The following BTRC variants were observed in gnomAD, a reference collection of about 807,000 sequenced individuals.
BTRC encodes beta-transducin repeat containing E3 ubiquitin protein ligase, also known as F-box/WD repeat-containing protein 1A.
In BTRC, 42 loss-of-function variants were observed where a neutral mutation model predicts 85.5. The observed-to-expected ratio is 0.49, with a 90% CI of 0.38 to 0.64. The LOEUF is 0.64. Among genes scored for constraint, BTRC ranks in the 30% least tolerant of loss-of-function variants. The pLI is 0.00. For missense variants in BTRC, 594 were observed against 743.5 expected, an observed-to-expected ratio of 0.80 and a Z score of 2.34; for synonymous variants, 255 against 263.3, an observed-to-expected ratio of 0.97 and a Z score of 0.30.
At chr10:101,471,572 G>A (rs61874013) in intron 3 of BTRC, among the ~76,000 whole-genome samples, 6 of 152,112 alleles carry the variant, frequency 3.9e-5, no homozygotes, top group Non-Finnish European at 7.4e-5. Context: ...TTTGGTATCA[G>A]AGTTATGCTG....
At chr10:101,456,018 A>ACACAC (rs60361192) in intron 2 of BTRC, among the ~76,000 whole-genome samples, 3 of 150,108 alleles carry the variant, frequency 2.0e-5, no homozygotes, top group Non-Finnish European at 4.4e-5. Context: ...ACACACACAC[A>ACACAC]AAATTAGCTG....
intron 1 of BTRC, among the ~76,000 whole-genome samples, chr10:101,377,913 T>G (rs1942831446): frequency 6.6e-6 from 1 of 151,996 alleles, no homozygotes; most frequent in Non-Finnish European, 1.5e-5. Flanking sequence ...TGTAGAACAC[T>G]TGTGGCCTTT....
At chr10:101,394,212 A>G (rs531052354) in intron 1 of BTRC, among the ~76,000 whole-genome samples, 2 of 152,310 alleles carry the variant, frequency 1.3e-5, no homozygotes, top group South Asian at 4.1e-4. Context: ...ATGATAATGT[A>G]TTCTTTCAAT....
intron 1 of BTRC, among the ~76,000 whole-genome samples, chr10:101,387,978 C>T (rs142523207): frequency 2.0e-4 from 31 of 152,172 alleles, no homozygotes; most frequent in Non-Finnish European, 3.7e-4. Context: ...GTGTGAGCCA[C>T]CATGCCCGGC....
At chr10:101,365,295 A>G (rs1310656212) in intron 1 of BTRC, among the ~76,000 whole-genome samples, 24 of 143,652 alleles carry the variant, frequency 1.7e-4, no homozygotes, top group Admixed American at 4.9e-4. Context: ...CTGGTCTTGA[A>G]CTCCGGATCT....
intron 4 of BTRC, among the ~76,000 whole-genome samples, chr10:101,509,323 C>T (rs1396646813): frequency 7.7e-5 from 10 of 129,338 alleles, no homozygotes; most frequent in East Asian, 2.3e-4. Context: ...GGCGGGATCT[C>T]GGCTCACTGC....
At position 101,424,522 on chromosome 10, in the gene BTRC, T is replaced by A. The variant is rs965868776; in HGVS notation, c.49-5823T>A. Among the ~76,000 whole-genome samples the A allele has an allele frequency of 2.0e-5, 3 of 152,238 alleles. No homozygotes were observed. The South Asian group carries it at 6.3e-4, about 32-fold the overall frequency. On this transcript the variant is annotated intron_variant, in intron 1 of 14. Coordinates refer to ENST00000370187, the MANE Select transcript of BTRC (RefSeq NM_033637.4). ...TCTCAGTACAGCAATCTTTTTATTG[T>A]TGATTATTATAGCTTCTGTTACTCC...
intron 13 of BTRC, among the ~76,000 whole-genome samples, chr10:101,547,361 G>A: frequency 7.9e-6 from 1 of 126,066 alleles, no homozygotes; most frequent in Non-Finnish European, 1.6e-5. Context: ...TTTTGAGACG[G>A]AGTCTCACTC....
intron 4 of BTRC, among the ~76,000 whole-genome samples, chr10:101,490,575 G>A (rs532853026): frequency 4.6e-5 from 7 of 152,246 alleles, no homozygotes; most frequent in Admixed American, 3.9e-4. Flanking sequence ...AGTATTTGGA[G>A]GCCTCTGCAC....
intron 4 of BTRC, among the ~76,000 whole-genome samples, chr10:101,488,005 T>G (rs943044796): frequency 4.6e-5 from 7 of 152,216 alleles, no homozygotes; most frequent in African/African-American, 7.2e-5. Flanking sequence ...AGACTGTAAT[T>G]CTATCAGGAG....
Position 101,549,713 on chromosome 10 carries a change from CA to C in BTRC, c.1657-963del, listed in dbSNP as rs755481178. Reference sequence around the variant, plus strand: ...GGGGCGAAAGAGCGAGACTCTGTCTCAAAAAAAAAAAAAAAAAAAAAAAGAT... The same window carrying C: ...GGGGCGAAAGAGCGAGACTCTGTCTCAAAAAAAAAAAAAAAAAAAAAAGAT... On this transcript the variant is annotated intron_variant, in intron 13 of 14. Transcript: ENST00000370187. Among the ~76,000 whole-genome samples the C allele has an allele frequency of 2.3e-3, 99 of 42,760 alleles. 2 individuals are homozygous for C. The East Asian group carries it at 0.03, about 13-fold the overall frequency. 28.1% of individuals were successfully genotyped at this position (42,760 alleles called of 152,430 possible). A position where few individuals can be genotyped will look rare whatever the true frequency, so the allele number is the denominator to read the frequency against.
At position 101,479,458 on chromosome 10, in the gene BTRC, G is replaced by T; in HGVS notation, c.324+1G>T. Reference sequence around the variant, plus strand: ...GAAGACTGAGAATTGTGTGGCCAAAGTAAGTAATATTGCTCATCAATGTAT... The same window carrying T: ...GAAGACTGAGAATTGTGTGGCCAAATTAAGTAATATTGCTCATCAATGTAT... On this transcript the variant is annotated splice_donor_variant, in intron 4 of 14. Transcript: ENST00000370187. LOFTEE classifies it high-confidence loss of function. The T allele has an allele frequency of 6.2e-7, 1 of 1,610,580 alleles. No individual in the cohort carries two copies. The highest frequency in any genetic ancestry group is 1.1e-5 in the South Asian group (1 of 90,968).
chr10:101,367,078 A>AT (rs1446525159), intron 1 of BTRC, among the ~76,000 whole-genome samples: 4 of 100,298 alleles, frequency 4.0e-5, no homozygotes, highest in African/African-American at 1.1e-4. Context: ...ATATATATAT[A>AT]TATTTTTTTC....
At chr10:101,544,414 T>G (rs942909615) in intron 13 of BTRC, among the ~76,000 whole-genome samples, 2 of 151,832 alleles carry the variant, frequency 1.3e-5, no homozygotes, top group Non-Finnish European at 2.9e-5. Context: ...AAAGTTTTTT[T>G]TTTTTTTTTT....
At chr10:101,541,947 A>ATAAT (rs35643209) in intron 13 of BTRC, among the ~76,000 whole-genome samples, 95,267 of 151,476 alleles carry the variant, frequency 0.63, 31,108 homozygotes, top group East Asian at 0.85. Flanking sequence ...GCCTTATAAA[A>ATAAT]TTTTGAAGTG....
chr10:101,494,757 A>G (rs1027838648), intron 4 of BTRC, among the ~76,000 whole-genome samples: 2 of 152,244 alleles, frequency 1.3e-5, no homozygotes, highest in African/African-American at 2.4e-5. Context: ...CTGCATTCCC[A>G]GAATAGTTGT....
In BTRC at chr10:101,526,341, G is replaced by A. The variant is rs973874284; in HGVS notation, c.743+142G>A. On this transcript the variant is annotated intron_variant, in intron 6 of 14. Coordinates refer to ENST00000370187, the MANE Select transcript of BTRC (RefSeq NM_033637.4). The stretch of plus-strand genomic sequence containing the variant: ...GATTTCTAGCTTAAAATGTAACAGA[G>A]AACAAATGTTCATATACTCAGCAGT... The A allele has an allele frequency of 1.1e-5, 8 of 747,718 alleles. No individual in the cohort carries two copies. The Admixed American group carries it at 2.4e-4, about 22-fold the overall frequency. The allele number at this position is 747,718 out of a possible 1,614,324, so 46.3% of individuals were successfully genotyped here. A position where few individuals can be genotyped will look rare whatever the true frequency, so the allele number is the denominator to read the frequency against.
At chr10:101,505,630 A>T (rs1564812705) in intron 4 of BTRC, among the ~76,000 whole-genome samples, 4 of 133,314 alleles carry the variant, frequency 3.0e-5, no homozygotes, top group East Asian at 2.0e-4. Context: ...AAAAAAATAA[A>T]AAAAAAAAAA....
rs1194237945 is a variant in BTRC at position 101,522,014 on chromosome 10, CTTTTTTTTTTTTTTTTTTTT to C, written c.556+161_556+180del. On this transcript the variant is annotated intron_variant, in intron 5 of 14. Coordinates refer to ENST00000370187, the MANE Select transcript of BTRC (RefSeq NM_033637.4). Reference sequence around the variant, plus strand: ...TTAACTGTACCTTTTTGATATAAAGCTTTTTTTTTTTTTTTTTTTTTTTTTTTTTTTTTTTTGAGATGGAG... The same window carrying C: ...TTAACTGTACCTTTTTGATATAAAGCTTTTTTTTTTTTTTTTGAGATGGAG... 119 of 67,900 alleles carry C rather than the reference CTTTTTTTTTTTTTTTTTTTT, an allele frequency of 1.8e-3. 2 individuals are homozygous for C. The South Asian group carries it at 0.021, about 12-fold the overall frequency. The allele number at this position is 67,900 out of a possible 1,614,324, so 4.2% of individuals were successfully genotyped here.
Sources: allele counts gnomAD v4.1 joint callset (sites outside exome capture counted in the v4.1 genomes callset), GRCh38; gene constraint gnomAD v4.1.1; transcripts MANE v1.5; gene names NCBI Gene and HGNC (gene_info 2026-07-23, HGNC 2026-07-21).